The following ANO10 variants were observed in gnomAD, a reference collection of about 807,000 sequenced individuals.
The protein encoded by ANO10 is anoctamin 10.
A neutral mutation model predicts 74.7 loss-of-function variants in ANO10; 77 were observed. That is an observed-to-expected ratio of 1.03 (90% CI 0.86 to 1.25). The LOEUF (loss-of-function observed/expected upper bound fraction) is 1.25, where lower values mean the gene tolerates loss of function less well. ANO10 is among the 50% of genes most tolerant of loss of function. The pLI, the probability that ANO10 is intolerant of heterozygous loss-of-function variation, is 0.00. For synonymous variants in ANO10, 279 were observed against 284.9 expected (o/e 0.98, Z 0.21); for missense variants, 721 against 778.1 (o/e 0.93, Z 0.87).
At chr3:43,682,444 T>A (rs1383601680) in intron 1 of ANO10, among the ~76,000 whole-genome samples, 1 of 152,200 alleles carries the variant, frequency 6.6e-6, no homozygotes, top group Admixed American at 6.5e-5. Flanking sequence ...ATTAATAGCT[T>A]ACCAACCAAA....
intron 1 of ANO10, among the ~76,000 whole-genome samples, chr3:43,637,169 C>T (rs924509628): frequency 1.3e-5 from 2 of 151,486 alleles, no homozygotes; most frequent in Non-Finnish European, 2.9e-5. Flanking sequence ...GACCCTGTCT[C>T]AAAAAAACAA....
intron 11 of ANO10, among the ~76,000 whole-genome samples, chr3:43,469,355 G>A (rs1011787343): frequency 7.9e-5 from 12 of 151,974 alleles, no homozygotes; most frequent in Non-Finnish European, 1.5e-5. Flanking sequence ...CTAATCAGCT[G>A]CTTTTAGTGA....
At chr3:43,422,014 C>T (rs1325001980) in intron 12 of ANO10, among the ~76,000 whole-genome samples, 1 of 152,214 alleles carries the variant, frequency 6.6e-6, no homozygotes, top group Admixed American at 6.5e-5. Context: ...AGAAGAGCTG[C>T]TCTCCCATAT....
chr3:43,521,274 T>C lies in ANO10; in HGVS notation c.1797+28446A>G, dbSNP rs138899276. On this transcript the variant is annotated intron_variant, in intron 11 of 12. Coordinates refer to ENST00000292246, the MANE Select transcript of ANO10 (RefSeq NM_018075.5). Reference sequence around the variant, plus strand: ...ACATTCAGCCTTTTACCATTAAGTATGATGTTAACTGCAGGTTTTGCACAC... The same window carrying C: ...ACATTCAGCCTTTTACCATTAAGTACGATGTTAACTGCAGGTTTTGCACAC... 9.8e-5 allele frequency among the ~76,000 whole-genome samples: 15 copies of C among 152,348 alleles called. No individual in the cohort carries two copies. The East Asian group carries it at 2.5e-3, about 25-fold the overall frequency.
chr3:43,648,737 C>A (rs1465407394), intron 1 of ANO10, among the ~76,000 whole-genome samples: 1 of 145,386 alleles, frequency 6.9e-6, no homozygotes, highest in Admixed American at 7.0e-5. Context: ...AGTGCAGTGG[C>A]GTGATCTTGC....
chr3:43,500,397 G>T (rs897413819), intron 11 of ANO10, among the ~76,000 whole-genome samples: 2 of 152,136 alleles, frequency 1.3e-5, no homozygotes, highest in Non-Finnish European at 2.9e-5. Context: ...TCAATGAAAG[G>T]TTTATAGCCC....
intron 1 of ANO10, among the ~76,000 whole-genome samples, chr3:43,674,243 G>T (rs980262771): frequency 1.3e-5 from 2 of 152,186 alleles, no homozygotes; most frequent in African/African-American, 4.8e-5. Flanking sequence ...GGGCTCAAGT[G>T]ATCTTCCCTC....
intron 1 of ANO10, among the ~76,000 whole-genome samples, chr3:43,651,949 A>G (rs1314644052): frequency 6.6e-6 from 1 of 152,162 alleles, no homozygotes; most frequent in Non-Finnish European, 1.5e-5. Flanking sequence ...GGCCGGGAGT[A>G]ATAAGGAAGA....
At chr3:43,389,116 A>G (rs1575634819) in intron 12 of ANO10, among the ~76,000 whole-genome samples, 1 of 152,258 alleles carries the variant, frequency 6.6e-6, no homozygotes, top group African/African-American at 2.4e-5. Context: ...CAGACAAATG[A>G]ACAAAAGTTG....
chr3:43,455,441 G>A (rs2075081499), intron 11 of ANO10, among the ~76,000 whole-genome samples: 1 of 152,088 alleles, frequency 6.6e-6, no homozygotes, highest in Non-Finnish European at 1.5e-5. Flanking sequence ...CATGGATGTG[G>A]AAGGAGTGAC....
At chr3:43,468,723 T>A (rs2075729797) in intron 11 of ANO10, among the ~76,000 whole-genome samples, 1 of 151,584 alleles carries the variant, frequency 6.6e-6, no homozygotes. Flanking sequence ...TCTTTTTTTT[T>A]TTTTTGAGAC....
intron 12 of ANO10, among the ~76,000 whole-genome samples, chr3:43,410,527 A>T (rs1205189960): frequency 6.6e-6 from 1 of 152,172 alleles, no homozygotes; most frequent in African/African-American, 2.4e-5. Flanking sequence ...TACTATTTGA[A>T]TTTAATTATC....
chr3:43,432,274 C>CA (rs1335654543), intron 12 of ANO10, among the ~76,000 whole-genome samples: 1 of 152,184 alleles, frequency 6.6e-6, no homozygotes, highest in Non-Finnish European at 1.5e-5. Flanking sequence ...CACTTCTCCT[C>CA]ACTTAATGTT....
chr3:43,374,655 G>A (rs544061611), intron 12 of ANO10, among the ~76,000 whole-genome samples: 18 of 152,288 alleles, frequency 1.2e-4, no homozygotes, highest in Admixed American at 6.5e-4. Flanking sequence ...GAGATCTTGC[G>A]AGTATCTCTG....
chr3:43,593,442 G>A (rs1464826179), intron 4 of ANO10, among the ~76,000 whole-genome samples: 2 of 152,192 alleles, frequency 1.3e-5, no homozygotes, highest in African/African-American at 2.4e-5. Context: ...AGAAGAGAGT[G>A]GGGGCCAATA....
At chr3:43,563,287 A>G (rs984867600) in intron 8 of ANO10, among the ~76,000 whole-genome samples, 3 of 152,206 alleles carry the variant, frequency 2.0e-5, no homozygotes, top group Non-Finnish European at 4.4e-5. Flanking sequence ...CTCCAAATAG[A>G]ATTGCTATTA....
intron 1 of ANO10, chr3:43,653,047 A>G (rs890703807): frequency 1.3e-5 from 2 of 151,562 alleles, no homozygotes; most frequent in African/African-American, 4.9e-5. Flanking sequence ...TCTACTAAAA[A>G]TACAAAAAAA....
intron 11 of ANO10, among the ~76,000 whole-genome samples, chr3:43,473,886 G>T (rs1454852179): frequency 2.6e-5 from 4 of 152,168 alleles, no homozygotes; most frequent in Non-Finnish European, 5.9e-5. Flanking sequence ...GAGAGGTCTG[G>T]AGTCAGTGAC....
In ANO10 at chr3:43,372,269, T is replaced by C. The variant is rs563475521; in HGVS notation, c.1915-5295A>G. Among the ~76,000 whole-genome samples, 109 of 151,868 alleles carry C rather than the reference T, an allele frequency of 7.2e-4. 1 individual carries two copies. The highest frequency in any genetic ancestry group is 2.5e-3 in the African/African-American group (105 of 41,388). On this transcript the variant is annotated intron_variant, in intron 12 of 12. Transcript: ENST00000292246. ...ATGCCTGCTCCCCCGGCCCAGCCCC[T>C]CTACCTGTCACACACGCACTGCTCC...
Sources: allele counts gnomAD v4.1 joint callset (sites outside exome capture counted in the v4.1 genomes callset), GRCh38; gene constraint gnomAD v4.1.1; transcripts MANE v1.5; gene names NCBI Gene and HGNC (gene_info 2026-07-23, HGNC 2026-07-21).